L1TD1: variants seen among roughly 807,000 people sequenced by gnomAD.
L1TD1 encodes the protein LINE1 type transposase domain containing 1, also known as LINE-1 type transposase domain-containing protein 1.
L1TD1 carries 26 observed loss-of-function variants against 25.7 expected under a neutral mutation model. The observed-to-expected ratio is 1.01, with a 90% CI of 0.74 to 1.40. L1TD1 has a LOEUF of 1.40. Among genes scored for constraint, L1TD1 ranks in the 40% most tolerant of loss-of-function variants. The pLI, the probability that L1TD1 is intolerant of heterozygous loss-of-function variation, is 0.00. For missense variants in L1TD1, 1,130 were observed against 975.0 expected (o/e 1.16, Z -2.12); for synonymous variants, 421 against 335.6 (o/e 1.25, Z -2.78).
Position 62,211,107 on chromosome 1 carries a change from G to C in L1TD1, c.2333G>C (p.Arg778Thr). ...SDKEKIIRAS[R>T]ERREITYQGT... ...AAAGAGAAAATAATAAGGGCTTCTAGAGAGAGAAGAGAAATTACCTACCAA... is the reference window on the plus strand; with the variant it reads ...AAAGAGAAAATAATAAGGGCTTCTACAGAGAGAAGAGAAATTACCTACCAA... Residue 778 changes from arginine to threonine, a missense_variant, in exon 4 of 4, where the codon AGA becomes ACA. By Grantham distance (71) the Arg-to-Thr change is moderately conservative. Coordinates refer to ENST00000498273, the MANE Select transcript of L1TD1 (RefSeq NM_019079.5). 6.5e-7 allele frequency: 1 copy of C among 1,549,466 alleles called. No homozygotes were observed. Among genetic ancestry groups the C allele is most frequent in the East Asian group, 2.4e-5 (1 of 40,892 alleles).
chr1:62,209,839 G>T lies in L1TD1; in HGVS notation c.1065G>T (p.Leu355Phe). ...CTGGAGAAATAACCAGTGATGGCTT[G>T]AGCTTCCTATTTCTTAAAGAAGTAA... is the stretch of plus-strand genomic sequence containing the variant. ...HRAGEITSDG[L>F]SFLFLKEVKV... Residue 355 changes from leucine to phenylalanine, a missense_variant, in exon 4 of 4, where the codon TTG becomes TTT. Leu to Phe is a conservative substitution (Grantham distance 22). Coordinates refer to ENST00000498273, the MANE Select transcript of L1TD1 (RefSeq NM_019079.5). 1 of 1,613,784 alleles carries T rather than the reference G, an allele frequency of 6.2e-7. No individual in the cohort carries two copies. Among genetic ancestry groups the T allele is most frequent in the East Asian group, 2.2e-5 (1 of 44,884 alleles).
At position 62,211,291 on chromosome 1, in the gene L1TD1, ATTTC is replaced by A. The variant is rs764076655; in HGVS notation, c.2520_2523del (p.Phe840LeufsTer16). On this transcript the variant is annotated frameshift_variant, in exon 4 of 4. Transcript: ENST00000498273. LOFTEE classifies it low-confidence loss of function (END_TRUNC). ...TTGATTTTAGGGGTAAAACAAAGGTATTTCTTAGTATTGAAGAATTTAGAGATTA... is the reference window on the plus strand; with the variant it reads ...TTGATTTTAGGGGTAAAACAAAGGTATTAGTATTGAAGAATTTAGAGATTA... The A allele has an allele frequency of 1.2e-6, 2 of 1,613,102 alleles. No individual in the cohort carries two copies. The highest frequency in any genetic ancestry group is 2.7e-5 in the African/African-American group (2 of 75,040).
rs200941635 is a variant in L1TD1 at position 62,205,373 on chromosome 1, T to TTCTC, written c.-110-1134_-110-1131dup. 4.4e-5 allele frequency among the ~76,000 whole-genome samples: 4 copies of TTCTC among 90,208 alleles called. No homozygotes were observed. The East Asian group carries it at 1.1e-3, about 25-fold the overall frequency. 59.2% of individuals were successfully genotyped at this position (90,208 alleles called of 152,430 possible). A position where few individuals can be genotyped will look rare whatever the true frequency, so the allele number is the denominator to read the frequency against. ...AAAATAAAACCAACGAAAACTCTCT[T>TTCTC]TCTCTCTCTCTCTCTTTCTCTCTCT... On this transcript the variant is annotated intron_variant, in intron 2 of 3. Transcript: ENST00000498273.
At chr1:62,195,313 G>A (rs1281785599) in intron 1 of L1TD1, among the ~76,000 whole-genome samples, 1 of 152,178 alleles carries the variant, frequency 6.6e-6, no homozygotes, top group Non-Finnish European at 1.5e-5. Context: ...TTGACTCCCT[G>A]CTCTTTCCCT....
At chr1:62,196,002 A>C (rs1570918180) in intron 1 of L1TD1, among the ~76,000 whole-genome samples, 1 of 151,036 alleles carries the variant, frequency 6.6e-6, no homozygotes, top group South Asian at 2.1e-4. Flanking sequence ...GGGCCACTAC[A>C]CTCCAGCCTG....
At chr1:62,205,432 TATATA>T (rs1359508807) in intron 2 of L1TD1, among the ~76,000 whole-genome samples, 5 of 73,938 alleles carry the variant, frequency 6.8e-5, no homozygotes, top group South Asian at 4.6e-4. Context: ...TATATATATA[TATATA>T]TATATATTTT....
intron 2 of L1TD1, among the ~76,000 whole-genome samples, chr1:62,205,427 A>ATTTTTTTT (rs1670722966): frequency 2.7e-5 from 1 of 37,132 alleles, no homozygotes; most frequent in African/African-American, 8.5e-5. Context: ...CTATATATAT[A>ATTTTTTTT]TATATATATA....
At chr1:62,203,148 A>G (rs75099754) in intron 2 of L1TD1, among the ~76,000 whole-genome samples, 2 of 152,118 alleles carry the variant, frequency 1.3e-5, no homozygotes, top group Non-Finnish European at 2.9e-5. Context: ...TTATGGTTAC[A>G]TAGTAGATGT....
chr1:62,206,146 A>G (rs1670740886), intron 2 of L1TD1, among the ~76,000 whole-genome samples: 1 of 152,194 alleles, frequency 6.6e-6, no homozygotes, highest in Non-Finnish European at 1.5e-5. Context: ...GATTCTATTC[A>G]AGTTAGCTTA....
intron 3 of L1TD1, among the ~76,000 whole-genome samples, chr1:62,208,995 G>C (rs570941159): frequency 1.8e-4 from 28 of 152,286 alleles, no homozygotes; most frequent in South Asian, 6.2e-4. Context: ...TGTCTGGTGG[G>C]TTTGGGAAGG....
At chr1:62,209,640 CAATT>C (rs1408083098) in intron 3 of L1TD1, 139 bp from the exon 4 acceptor site, 3 of 735,076 alleles carry the variant, frequency 4.1e-6, no homozygotes, top group East Asian at 2.8e-5. Context: ...CCTTCAAGAA[CAATT>C]AATATTTAAG....
At chr1:62,200,169 A>C (rs1670614777) in intron 2 of L1TD1, among the ~76,000 whole-genome samples, 1 of 152,080 alleles carries the variant, frequency 6.6e-6, no homozygotes, top group Non-Finnish European at 1.5e-5. Flanking sequence ...ATATATAACA[A>C]TGTATATTAT....
intron 2 of L1TD1, among the ~76,000 whole-genome samples, chr1:62,197,775 C>T (rs1451469947): frequency 2.0e-5 from 3 of 152,018 alleles, no homozygotes; most frequent in African/African-American, 7.2e-5. Context: ...ACTCGGGAGG[C>T]TGAGGCAGGA....
chr1:62,199,575 G>A (rs997671715), intron 2 of L1TD1, among the ~76,000 whole-genome samples: 1 of 151,342 alleles, frequency 6.6e-6, no homozygotes, highest in African/African-American at 2.4e-5. Context: ...GTAATTTTCA[G>A]TTTTAAGCCA....
Position 62,207,157 on chromosome 1 carries a change from A to T in L1TD1, c.529A>T (p.Thr177Ser). 1 of 1,561,534 alleles carries T rather than the reference A, an allele frequency of 6.4e-7. No individual in the cohort carries two copies. The highest frequency in any genetic ancestry group is 8.7e-7 in the Non-Finnish European group (1 of 1,151,540). Residue 177 changes from threonine (T) to serine (S), a missense_variant, in exon 3 of 4, where the codon ACC becomes TCC. Physicochemically the swap from Thr to Ser is moderately conservative, Grantham distance 58. Transcript: ENST00000498273. ...SYEVMGSMEE[T>S]LCNIDDRDGN... Reference sequence around the variant, plus strand: ...CGAAGTCATGGGAAGTATGGAAGAAACCTTATGCAATATAGATGACAGAGA... The same window carrying T: ...CGAAGTCATGGGAAGTATGGAAGAATCCTTATGCAATATAGATGACAGAGA...
intron 1 of L1TD1, among the ~76,000 whole-genome samples, chr1:62,196,075 A>ATTGATTT (rs752105241): frequency 2.6e-5 from 4 of 152,154 alleles, no homozygotes; most frequent in Non-Finnish European, 5.9e-5. Context: ...GACTGGAAAA[A>ATTGATTT]TTGATTTGGA....
chr1:62,200,262 C>T (rs1278463241), intron 2 of L1TD1, among the ~76,000 whole-genome samples: 5 of 152,018 alleles, frequency 3.3e-5, no homozygotes, highest in Admixed American at 6.6e-5. Context: ...CTGCAACCTC[C>T]GCCTCCCGCA....
chr1:62,206,931 G>GT lies in L1TD1; in HGVS notation c.306dup (p.Gln103SerfsTer23). On this transcript the variant is annotated frameshift_variant, in exon 3 of 4. Transcript: ENST00000498273. LOFTEE classifies it high-confidence loss of function. ...CAGAGAACTCCAGTAGTAGGACAGA[G>GT]TTTCAGCAAATAATCAATTTAGCAT... 6.2e-7 allele frequency: 1 copy of GT among 1,613,842 alleles called. No homozygotes were observed. Among genetic ancestry groups the GT allele is most frequent in the Non-Finnish European group, 8.5e-7 (1 of 1,179,908 alleles).
At chr1:62,205,343 AAAAC>A (rs750398151) in intron 2 of L1TD1, among the ~76,000 whole-genome samples, 10 of 149,042 alleles carry the variant, frequency 6.7e-5, no homozygotes, top group Non-Finnish European at 1.2e-4. Context: ...TCAAAAGAAA[AAAAC>A]AAAATAAAAC....
Sources: allele counts gnomAD v4.1 joint callset (sites outside exome capture counted in the v4.1 genomes callset), GRCh38; gene constraint gnomAD v4.1.1; transcripts MANE v1.5; gene names NCBI Gene and HGNC (gene_info 2026-07-23, HGNC 2026-07-21).